The following DNAH1 variants were observed in gnomAD, a reference collection of about 807,000 sequenced individuals.
The protein encoded by DNAH1 is axonemal beta dynein heavy chain 1.
A neutral mutation model predicts 484.3 loss-of-function variants in DNAH1; 327 were observed. That is an observed-to-expected ratio of 0.68 (90% CI 0.62 to 0.74). The LOEUF is 0.74. Ranked by LOEUF, DNAH1 falls within the 30% of genes least tolerant of loss-of-function variation. DNAH1 has a pLI of 0.00. For missense variants in DNAH1, 5,052 were observed against 5,546.8 expected (o/e 0.91, Z 2.83); for synonymous variants, 2,192 against 2,191.9 (o/e 1.00, Z 0.00).
At position 52,393,438 on chromosome 3, in the gene DNAH1, T is replaced by C. The variant is rs772941397; in HGVS notation, c.10579T>C (p.Phe3527Leu). ...LFEKHKLMFAFLLCVRIMMNE... is the reference protein window; with the variant it reads ...LFEKHKLMFALLLCVRIMMNE... The stretch of plus-strand genomic sequence containing the variant: ...TGAGAAGCACAAGCTGATGTTTGCC[T>C]TCCTGCTGTGTGTTCGCATCATGAT... Residue 3527 changes from phenylalanine (F) to leucine (L), a missense_variant, in exon 66 of 78, where the codon TTC (phenylalanine) becomes CTC (leucine). By Grantham distance (22) the Phe-to-Leu change is conservative (BLOSUM62 0). This residue lies in a region of DNAH1 where 2,929 missense variants were observed against 3,409.4 expected (regional missense o/e 0.86). Coordinates refer to ENST00000420323, the MANE Select transcript of DNAH1 (RefSeq NM_015512.5). 5 of 1,614,024 alleles carry C rather than the reference T, an allele frequency of 3.1e-6. No homozygotes were observed. In the South Asian group the frequency reaches 5.5e-5, roughly 18 times the overall value.
At chr3:52,371,711 T>G (rs752066189) in intron 41 of DNAH1, among the ~76,000 whole-genome samples, 1 of 152,232 alleles carries the variant, frequency 6.6e-6, no homozygotes. Flanking sequence ...AGCCCTCTTA[T>G]GCAGTTGTGC....
At chr3:52,385,478 C>T (rs372974871) in intron 54 of DNAH1, 31 bp downstream of exon 54, 4 of 1,535,838 alleles carry the variant, frequency 2.6e-6, no homozygotes, top group Non-Finnish European at 3.5e-6. Context: ...CTCCCCAATG[C>T]CTGACTCTGA....
At chr3:52,399,832 C>G (rs1704826835) in intron 77 of DNAH1, 53 bp downstream of exon 77, 1 of 1,544,122 alleles carries the variant, frequency 6.5e-7, no homozygotes, top group Admixed American at 1.8e-5. Context: ...CAGGACTAAC[C>G]CAGCCCAGCC....
intron 76 of DNAH1, 69 bp downstream of exon 76, chr3:52,399,270 G>C (rs988861813): frequency 6.8e-7 from 1 of 1,475,902 alleles, no homozygotes. Context: ...AGGCTCTGAG[G>C]CCACGGTTGG....
At chr3:52,337,345 G>A (rs555882973) in intron 8 of DNAH1, among the ~76,000 whole-genome samples, 7 of 152,132 alleles carry the variant, frequency 4.6e-5, no homozygotes, top group African/African-American at 1.7e-4. Flanking sequence ...AATGCTTTTC[G>A]ATCTGCATTT....
At position 52,388,891 on chromosome 3, in the gene DNAH1, A is replaced by G; in HGVS notation, c.9449A>G (p.Asp3150Gly). The change falls in exon 59 of 78, where the codon GAT (aspartate) becomes GGT (glycine). Residue 3150 changes from aspartate to glycine, a missense_variant. By Grantham distance (94) the Asp-to-Gly change is moderately conservative. Coordinates refer to ENST00000420323, the MANE Select transcript of DNAH1 (RefSeq NM_015512.5). ...LQYMLNNISG[D>G]VLVAAGFVAY... ...TACATGCTCAACAACATCTCCGGCG[A>G]TGTCCTGGTGGCCGCTGGCTTTGTG... 6.2e-7 allele frequency: 1 copy of G among 1,613,054 alleles called. No individual in the cohort carries two copies. The highest frequency in any genetic ancestry group is 8.5e-7 in the Non-Finnish European group (1 of 1,179,310).
chr3:52,326,854 G>C lies in DNAH1; in HGVS notation c.701G>C (p.Gly234Ala). 1 of 1,613,386 alleles carries C rather than the reference G, an allele frequency of 6.2e-7. No individual in the cohort carries two copies. Among genetic ancestry groups the C allele is most frequent in the Non-Finnish European group, 8.5e-7 (1 of 1,179,644 alleles). ...CAGCACCCCCAAACCATCGAACAGG[G>C]CCATGACCCAATCTTCCCCATCTAC... ...DHQHPQTIEQ[G>A]HDPIFPIYLP... Residue 234 changes from glycine to alanine, a missense_variant, in exon 5 of 78, where the codon GGC becomes GCC. Coordinates refer to ENST00000420323, the MANE Select transcript of DNAH1 (RefSeq NM_015512.5).
intron 44 of DNAH1, chr3:52,374,970 C>CG (rs1208194712): frequency 2.9e-6 from 1 of 340,382 alleles, no homozygotes; most frequent in Non-Finnish European, 4.9e-6. Context: ...ACCATGGGGG[C>CG]GGGGGGTGGG....
In DNAH1 at chr3:52,355,122, A is replaced by T; in HGVS notation, c.3693+67A>T. On this transcript the variant is annotated intron_variant, in intron 21 of 77. Transcript: ENST00000420323. The surrounding 1 kb of genome is among the most constrained non-coding windows in gnomAD (Gnocchi z 4.5). ...TCAGAGAGCCCGACCCACAGGTGTCACTGATGGTCTCCGGGTGGGGTTCAA... is the reference window on the plus strand; with the variant it reads ...TCAGAGAGCCCGACCCACAGGTGTCTCTGATGGTCTCCGGGTGGGGTTCAA... 1 of 1,491,756 alleles carries T rather than the reference A, an allele frequency of 6.7e-7. No homozygotes were observed. The highest frequency in any genetic ancestry group is 9.3e-7 in the Non-Finnish European group (1 of 1,079,566). 92.4% of individuals were successfully genotyped at this position (1,491,756 alleles called of 1,614,324 possible). A position where few individuals can be genotyped will look rare whatever the true frequency, so the allele number is the denominator to read the frequency against.
At position 52,381,314 on chromosome 3, in the gene DNAH1, T is replaced by C. The variant is rs931244953; in HGVS notation, c.7609-326T>C. ...TTTTGGTAGAGGCAGAGTTTCGCCA[T>C]GTTGCCCAGGCTGGTGTTGAACTCC... On this transcript the variant is annotated intron_variant, in intron 48 of 77. Coordinates refer to ENST00000420323, the MANE Select transcript of DNAH1 (RefSeq NM_015512.5). This position sits in a 1 kb window ranked among gnomAD's most constrained non-coding sequence, Gnocchi z 4.1. 1.3e-5 allele frequency among the ~76,000 whole-genome samples: 2 copies of C among 152,212 alleles called. No individual in the cohort carries two copies. Among genetic ancestry groups the C allele is most frequent in the African/African-American group, 2.4e-5 (1 of 41,442 alleles).
chr3:52,376,957 C>T (rs1703631949), intron 46 of DNAH1, among the ~76,000 whole-genome samples: 1 of 152,068 alleles, frequency 6.6e-6, no homozygotes, highest in African/African-American at 2.4e-5. Context: ...TCTCTCAGGC[C>T]TCCCCCATCC....
At position 52,381,557 on chromosome 3, in the gene DNAH1, A is replaced by G. The variant is rs879117658; in HGVS notation, c.7609-83A>G. 12 of 1,354,544 alleles carry G rather than the reference A, an allele frequency of 8.9e-6. No individual in the cohort carries two copies. The South Asian group carries it at 1.6e-4, about 18-fold the overall frequency. The allele number at this position is 1,354,544 out of a possible 1,614,324, so 83.9% of individuals were successfully genotyped here. A position where few individuals can be genotyped will look rare whatever the true frequency, so the allele number is the denominator to read the frequency against. On this transcript the variant is annotated intron_variant, in intron 48 of 77. Coordinates refer to ENST00000420323, the MANE Select transcript of DNAH1 (RefSeq NM_015512.5). The surrounding 1 kb of genome is among the most constrained non-coding windows in gnomAD (Gnocchi z 4.1). Reference sequence around the variant, plus strand: ...CCTGTGCTTCTCAGTCAGGACAGAGAAGAAAGCGGGTGGGTGGGGGGAATC... The same window carrying G: ...CCTGTGCTTCTCAGTCAGGACAGAGGAGAAAGCGGGTGGGTGGGGGGAATC...
intron 8 of DNAH1, among the ~76,000 whole-genome samples, chr3:52,332,913 C>T (rs533550274): frequency 2.2e-4 from 34 of 152,216 alleles, no homozygotes; most frequent in Non-Finnish European, 4.1e-4. Context: ...GGTTCTTACT[C>T]TGTCACCCAG....
chr3:52,351,524 C>G (rs1409990342), intron 16 of DNAH1, among the ~76,000 whole-genome samples: 1 of 152,234 alleles, frequency 6.6e-6, no homozygotes, highest in Non-Finnish European at 1.5e-5. Flanking sequence ...CACAGACCCC[C>G]TATGTCAGCT....
In DNAH1 at chr3:52,398,955, C is replaced by T; in HGVS notation, c.12195C>T (p.Ser4065=). 1 of 1,613,766 alleles carries T rather than the reference C, an allele frequency of 6.2e-7. No individual in the cohort carries two copies. The highest frequency in any genetic ancestry group is 8.5e-7 in the Non-Finnish European group (1 of 1,179,716). ...CTCAGCTGGAGCTGATGGCTGCCAG[C>T]CTGTACAACAATACTGTGCCTGAGC... is the stretch of plus-strand genomic sequence containing the variant. The part of the protein sequence containing the change: ...MSSQLELMAA[S]LYNNTVPELW... Residue 4065 remains serine, a synonymous_variant, in exon 76 of 78, where the codon AGC becomes AGT. Coordinates refer to ENST00000420323, the MANE Select transcript of DNAH1 (RefSeq NM_015512.5).
chr3:52,344,489 G>A lies in DNAH1; in HGVS notation c.1287-1G>A, dbSNP rs746338448. 6.2e-7 allele frequency: 1 copy of A among 1,613,086 alleles called. No homozygotes were observed. Among genetic ancestry groups the A allele is most frequent in the Non-Finnish European group, 8.5e-7 (1 of 1,179,188 alleles). ...CCCCCATCTCCCATCTCTATGGGCA[G>A]GGTTCTAGAGCACCTCAGCAGTCTT... On this transcript the variant is annotated splice_acceptor_variant, in intron 8 of 77. Coordinates refer to ENST00000420323, the MANE Select transcript of DNAH1 (RefSeq NM_015512.5). LOFTEE classifies it high-confidence loss of function.
chr3:52,368,818 A>G lies in DNAH1; in HGVS notation c.5843A>G (p.Asp1948Gly). 6.2e-7 allele frequency: 1 copy of G among 1,613,982 alleles called. No individual in the cohort carries two copies. The highest frequency in any genetic ancestry group is 8.5e-7 in the Non-Finnish European group (1 of 1,179,882). The change falls in exon 37 of 78, where the codon GAT (aspartate) becomes GGT (glycine). Residue 1948 changes from aspartate to glycine, a missense_variant. Physicochemically the swap from Asp to Gly is moderately conservative, Grantham distance 94. Coordinates refer to ENST00000420323, the MANE Select transcript of DNAH1 (RefSeq NM_015512.5). This position sits in a 1 kb window ranked among gnomAD's most constrained non-coding sequence, Gnocchi z 4.4. ...ACCAACAAGAAGTGGTACATGTTCGATGGGCCGGTGGATGCCATCTGGATT... is the reference window on the plus strand; with the variant it reads ...ACCAACAAGAAGTGGTACATGTTCGGTGGGCCGGTGGATGCCATCTGGATT... ...SDTNKKWYMF[D>G]GPVDAIWIEN...
At chr3:52,319,839 A>C (rs1002459553) in intron 1 of DNAH1, among the ~76,000 whole-genome samples, 1 of 152,120 alleles carries the variant, frequency 6.6e-6, no homozygotes, top group African/African-American at 2.4e-5. Flanking sequence ...ACAGGTTCTG[A>C]GTTTGCAGCT....
intron 25 of DNAH1, 79 bp from the exon 26 acceptor site, chr3:52,359,167 G>A: frequency 3.9e-6 from 6 of 1,521,690 alleles, no homozygotes; most frequent in Non-Finnish European, 3.5e-6. Flanking sequence ...CCAGAGCACA[G>A]ACAGCATTCA....
Sources: gnomAD v4.1 joint callset for allele counts (sites outside exome capture counted in the v4.1 genomes callset) on GRCh38, gnomAD v4.1.1 for gene constraint, gnomAD v4.1.1 regional missense constraint, Gnocchi (gnomAD v3.1) non-coding constraint, MANE v1.5 for transcripts, NCBI Gene and HGNC (gene_info 2026-07-23, HGNC 2026-07-21) for gene names.